SOS1: variants seen among roughly 807,000 people sequenced by gnomAD.
SOS1 encodes son of sevenless homolog 1.
Under a neutral mutation model 157.6 loss-of-function variants are expected in SOS1, and 25 were observed. That is an observed-to-expected ratio of 0.16 (90% CI 0.12 to 0.22). The LOEUF (loss-of-function observed/expected upper bound fraction) is 0.22, where lower values mean the gene tolerates loss of function less well. SOS1 is among the 10% of genes least tolerant of loss of function. The pLI, the probability that SOS1 is intolerant of heterozygous loss-of-function variation, is 1.00. For synonymous variants in SOS1, 528 were observed against 534.0 expected (o/e 0.99, Z 0.16); for missense variants, 1,237 against 1,599.1 (o/e 0.77, Z 3.86).
chr2:39,038,579 C>T (rs775422967), intron 6 of SOS1, among the ~76,000 whole-genome samples: 6 of 150,632 alleles, frequency 4.0e-5, no homozygotes, highest in Non-Finnish European at 8.9e-5. Context: ...ACTAAAAATA[C>T]AAAAATTAGC....
intron 1 of SOS1, among the ~76,000 whole-genome samples, chr2:39,082,949 T>G (rs927764124): frequency 6.6e-6 from 1 of 152,150 alleles, no homozygotes; most frequent in Non-Finnish European, 1.5e-5. Flanking sequence ...GATAGAAAGT[T>G]TATCGGTATT....
chr2:38,982,326 A>G lies in SOS1; in HGVS notation c.*3498T>C, dbSNP rs942236649. On this transcript the variant is annotated 3_prime_UTR_variant, in exon 23 of 23. Coordinates refer to ENST00000402219, the MANE Select transcript of SOS1 (RefSeq NM_005633.4). ...TCATGCTTCTTAAGTAGAGCTCAAA[A>G]TATTTCATTGGCTCATGTATAAGGG... 5 of 152,196 alleles carry G rather than the reference A, an allele frequency of 3.3e-5. No individual in the cohort carries two copies. Among genetic ancestry groups the G allele is most frequent in the Non-Finnish European group, 4.4e-5 (3 of 68,028 alleles). 9.4% of individuals were successfully genotyped at this position (152,196 alleles called of 1,614,324 possible). A position where few individuals can be genotyped will look rare whatever the true frequency, so the allele number is the denominator to read the frequency against.
Position 39,010,571 on chromosome 2 carries a change from T to C in SOS1, c.2510+13A>G. ...TGACAGCTATAAAATATAAGAATGC[T>C]AGGAATACTTACTTCTCAAACCACA... On this transcript the variant is annotated intron_variant, in intron 15 of 22. Transcript: ENST00000402219. 6.2e-7 allele frequency: 1 copy of C among 1,606,034 alleles called. No homozygotes were observed. Among genetic ancestry groups the C allele is most frequent in the Non-Finnish European group, 8.5e-7 (1 of 1,172,838 alleles).
intron 1 of SOS1, among the ~76,000 whole-genome samples, chr2:39,116,887 T>A (rs888332084): frequency 3.3e-5 from 5 of 152,106 alleles, no homozygotes; most frequent in Admixed American, 3.3e-4. Flanking sequence ...ACTTTATCAA[T>A]GGCTTCTAAT....
At position 38,997,381 on chromosome 2, in the gene SOS1, C is replaced by G. The variant is rs1558460847; in HGVS notation, c.2836G>C (p.Glu946Gln). The change falls in exon 18 of 23, where the codon GAG becomes CAG. Residue 946 changes from glutamate (E) to glutamine (Q), a missense_variant. By Grantham distance (29) the Glu-to-Gln change is conservative. Coordinates refer to ENST00000402219, the MANE Select transcript of SOS1 (RefSeq NM_005633.4). ...TCTTTTCCATGTCTTTTTAGGACCT[C>G]AGGGTTGCCTTCTTCTGTTTTCAAG... Reference protein sequence around the residue: ...NILKTEEGNPEVLKRHGKELI... With the variant: ...NILKTEEGNPQVLKRHGKELI... 1.2e-6 allele frequency: 2 copies of G among 1,611,874 alleles called. No individual in the cohort carries two copies. Among genetic ancestry groups the G allele is most frequent in the African/African-American group, 2.7e-5 (2 of 74,970 alleles).
Position 39,071,878 on chromosome 2 carries a change from T to C in SOS1, c.88-4125A>G, listed in dbSNP as rs180934267. Among the ~76,000 whole-genome samples the C allele has an allele frequency of 8.3e-4, 126 of 152,098 alleles. 1 individual carries two copies. Among genetic ancestry groups the C allele is most frequent in the African/African-American group, 3.0e-3 (123 of 41,522 alleles). On this transcript the variant is annotated intron_variant, in intron 1 of 22. Coordinates refer to ENST00000402219, the MANE Select transcript of SOS1 (RefSeq NM_005633.4). Reference sequence around the variant, plus strand: ...CACTGTTCCCCATGCCTGTCATTCATTCTCTCAAGTTTTTTTATCTGCCTA... The same window carrying C: ...CACTGTTCCCCATGCCTGTCATTCACTCTCTCAAGTTTTTTTATCTGCCTA...
intron 1 of SOS1, among the ~76,000 whole-genome samples, chr2:39,118,482 T>G (rs1673740913): frequency 1.3e-5 from 2 of 152,244 alleles, no homozygotes; most frequent in Non-Finnish European, 2.9e-5. Context: ...GAACCTTACA[T>G]ATCAGCTAGA....
chr2:39,042,626 A>T (rs376419287), intron 6 of SOS1, among the ~76,000 whole-genome samples: 127 of 151,622 alleles, frequency 8.4e-4, no homozygotes, highest in African/African-American at 3.0e-3. Context: ...ACTGGTCTCA[A>T]ACTCCTGACC....
At chr2:39,065,711 G>C (rs946744309) in intron 2 of SOS1, among the ~76,000 whole-genome samples, 9 of 152,198 alleles carry the variant, frequency 5.9e-5, no homozygotes, top group African/African-American at 2.2e-4. Context: ...TAAAAGTCTT[G>C]GCTTCACTAC....
At chr2:39,000,290 G>T (rs887176568) in intron 17 of SOS1, among the ~76,000 whole-genome samples, 2 of 152,090 alleles carry the variant, frequency 1.3e-5, no homozygotes, top group African/African-American at 4.8e-5. Context: ...ATCTTACACT[G>T]CATCAGTAAA....
chr2:39,047,242 T>C (rs183000393), intron 6 of SOS1, among the ~76,000 whole-genome samples: 197 of 152,364 alleles, frequency 1.3e-3, no homozygotes, highest in Non-Finnish European at 2.2e-3. Flanking sequence ...TCAGCAGTTA[T>C]TCTTTTTTAT....
Position 39,120,622 on chromosome 2 carries a change from G to T in SOS1, c.-200C>A. On this transcript the variant is annotated 5_prime_UTR_variant, in exon 1 of 23. It adds an upstream start codon to the 5' untranslated region. Transcript: ENST00000402219. ...CGCGCCTGGCCACCCACCCGACACA[G>T]GTACCAGCCGTGGAGAACGGACGCG... 1 of 401,952 alleles carries T rather than the reference G, an allele frequency of 2.5e-6. No homozygotes were observed. The allele number at this position is 401,952 out of a possible 1,614,324, so 24.9% of individuals were successfully genotyped here.
chr2:39,075,156 C>A (rs1193497051), intron 1 of SOS1, among the ~76,000 whole-genome samples: 1 of 152,080 alleles, frequency 6.6e-6, no homozygotes, highest in African/African-American at 2.4e-5. Flanking sequence ...AATGATGCCA[C>A]AGGCTCCATA....
At chr2:39,107,663 G>GA (rs11464462) in intron 1 of SOS1, among the ~76,000 whole-genome samples, 16,751 of 96,366 alleles carry the variant, frequency 0.17, 1,261 homozygotes, top group East Asian at 0.27. Flanking sequence ...ACACTAAAAA[G>GA]AAAAAAAAAA....
intron 20 of SOS1, among the ~76,000 whole-genome samples, chr2:38,990,234 A>G (rs1172523396): frequency 1.3e-5 from 2 of 151,582 alleles, no homozygotes; most frequent in East Asian, 3.9e-4. Flanking sequence ...TTATTCAAGC[A>G]TATTTGGTCA....
intron 1 of SOS1, among the ~76,000 whole-genome samples, chr2:39,117,231 C>T (rs776631140): frequency 3.9e-5 from 6 of 151,988 alleles, no homozygotes; most frequent in Admixed American, 2.0e-4. Context: ...GGTTTCACCA[C>T]GTTGGCCAGG....
rs577517986 is a variant in SOS1, at chr2:39,075,322, G to C, written c.88-7569C>G. ...CACCAACTTAGGACAGGAAATACTA[G>C]AAGACAATATTTTCCAGGAAAGATA... On this transcript the variant is annotated intron_variant, in intron 1 of 22. Transcript: ENST00000402219. Among the ~76,000 whole-genome samples the C allele has an allele frequency of 2.0e-3, 309 of 152,192 alleles. 1 individual carries two copies. Among genetic ancestry groups the C allele is most frequent in the Non-Finnish European group, 3.1e-3 (209 of 68,004 alleles).
At chr2:39,041,934 C>G (rs1034305068) in intron 6 of SOS1, among the ~76,000 whole-genome samples, 7 of 151,930 alleles carry the variant, frequency 4.6e-5, no homozygotes, top group African/African-American at 1.5e-4. Context: ...GAATTTTTTT[C>G]CATTTAACCA....
At chr2:39,045,271 A>AGTGTGT (rs1378934092) in intron 6 of SOS1, among the ~76,000 whole-genome samples, 1 of 71,100 alleles carries the variant, frequency 1.4e-5, no homozygotes, top group African/African-American at 7.7e-5. Flanking sequence ...AGAGAGAGAG[A>AGTGTGT]GAGTGTGTGT....
Sources: allele counts gnomAD v4.1 joint callset (sites outside exome capture counted in the v4.1 genomes callset), GRCh38; gene constraint gnomAD v4.1.1; transcripts MANE v1.5; gene names NCBI Gene and HGNC (gene_info 2026-07-23, HGNC 2026-07-21).